EML5: variants seen among roughly 807,000 people sequenced by gnomAD.
EML5 encodes echinoderm microtubule-associated protein-like 5.
EML5 carries 120 observed loss-of-function variants against 250.0 expected under a neutral mutation model. The ratio of observed to expected loss-of-function variants is 0.48; its 90% CI spans 0.41 to 0.56. The LOEUF is 0.56. Among genes scored for constraint, EML5 ranks in the 20% least tolerant of loss-of-function variants. The pLI is 0.00. For missense variants in EML5, 2,006 were observed against 2,437.6 expected, an observed-to-expected ratio of 0.82 and a Z score of 3.73; for synonymous variants, 771 against 806.5, an observed-to-expected ratio of 0.96 and a Z score of 0.75.
chr14:88,704,377 T>C (rs1162477291), intron 13 of EML5, among the ~76,000 whole-genome samples: 2 of 152,194 alleles, frequency 1.3e-5, no homozygotes, highest in Non-Finnish European at 2.9e-5. Flanking sequence ...GGTGCCCTGC[T>C]TGTACAGCCT....
At chr14:88,723,147 T>C (rs1391610844) in intron 8 of EML5, among the ~76,000 whole-genome samples, 1 of 152,176 alleles carries the variant, frequency 6.6e-6, no homozygotes, top group African/African-American at 2.4e-5. Flanking sequence ...GCACAGGGGC[T>C]CATGCCTGTA....
intron 31 of EML5, among the ~76,000 whole-genome samples, chr14:88,642,117 C>T (rs1021620563): frequency 6.6e-6 from 1 of 152,150 alleles, no homozygotes; most frequent in African/African-American, 2.4e-5. Context: ...TTATAATTCA[C>T]ATCATCAATC....
chr14:88,736,334 G>A, intron 7 of EML5, 30 bp downstream of exon 7: 1 of 1,601,974 alleles, frequency 6.2e-7, no homozygotes, highest in Non-Finnish European at 8.6e-7. Context: ...ATACATTCCA[G>A]CCTATGGAAT....
intron 7 of EML5, among the ~76,000 whole-genome samples, chr14:88,735,986 C>T (rs551748066): frequency 1.6e-4 from 24 of 146,418 alleles, no homozygotes; most frequent in East Asian, 4.3e-4. Context: ...AAGTTTTAAT[C>T]GGAGTATTTT....
chr14:88,733,764 G>A lies in EML5; in HGVS notation c.1049+2600C>T, dbSNP rs531375270. On this transcript the variant is annotated intron_variant, in intron 7 of 43. Coordinates refer to ENST00000554922, the MANE Select transcript of EML5 (RefSeq NM_183387.3). The stretch of plus-strand genomic sequence containing the variant: ...ATCAGTAATTATCTGGAAACAATTA[G>A]GTTGAGTCCCCATCTTACTTCTTAC... Among the ~76,000 whole-genome samples the A allele has an allele frequency of 9.3e-4, 141 of 152,208 alleles. No individual in the cohort carries two copies. The Middle Eastern group carries it at 0.01, about 11-fold the overall frequency.
intron 33 of EML5, among the ~76,000 whole-genome samples, chr14:88,630,543 A>G (rs2090384310): frequency 2.0e-5 from 3 of 152,256 alleles, no homozygotes; most frequent in South Asian, 4.1e-4. Context: ...TGCTCAACTA[A>G]TAAGTCTGAG....
intron 13 of EML5, among the ~76,000 whole-genome samples, chr14:88,703,893 C>T (rs1293876460): frequency 6.6e-6 from 1 of 152,120 alleles, no homozygotes; most frequent in Non-Finnish European, 1.5e-5. Flanking sequence ...TTTAAAGAGG[C>T]CCATTTCCAT....
intron 27 of EML5, among the ~76,000 whole-genome samples, chr14:88,654,384 T>G (rs1385599474): frequency 6.6e-6 from 1 of 152,218 alleles, no homozygotes; most frequent in Non-Finnish European, 1.5e-5. Context: ...ATGTTGATTT[T>G]AGATCTTTCC....
At chr14:88,667,803 G>GTAA (rs1268363494) in intron 21 of EML5, among the ~76,000 whole-genome samples, 2 of 152,198 alleles carry the variant, frequency 1.3e-5, no homozygotes, top group Non-Finnish European at 2.9e-5. Flanking sequence ...CACCATCACT[G>GTAA]TAATGGCTCT....
At chr14:88,728,763 C>T (rs892618020) in intron 7 of EML5, among the ~76,000 whole-genome samples, 1 of 151,980 alleles carries the variant, frequency 6.6e-6, no homozygotes, top group Non-Finnish European at 1.5e-5. Context: ...AATTATATAT[C>T]ATTTTATATA....
intron 21 of EML5, among the ~76,000 whole-genome samples, chr14:88,681,056 C>A (rs2141158182): frequency 6.6e-6 from 1 of 152,100 alleles, no homozygotes; most frequent in East Asian, 1.9e-4. Flanking sequence ...AAGAGTAAAT[C>A]TAAAATATAA....
intron 17 of EML5, among the ~76,000 whole-genome samples, chr14:88,691,503 T>C (rs183260696): frequency 1.3e-5 from 2 of 152,326 alleles, no homozygotes; most frequent in Admixed American, 1.3e-4. Context: ...TCCTGTTACA[T>C]GAGGTCATAT....
At chr14:88,768,367 G>A (rs760621633) in intron 1 of EML5, among the ~76,000 whole-genome samples, 20 of 151,960 alleles carry the variant, frequency 1.3e-4, no homozygotes, top group South Asian at 4.1e-4. Flanking sequence ...AACTATTGGC[G>A]GATTCTGTCA....
chr14:88,627,607 C>A, intron 34 of EML5, 39 bp downstream of exon 34: 1 of 1,554,952 alleles, frequency 6.4e-7, no homozygotes. Context: ...CCTTTGTATT[C>A]TTGTTTTTTT....
chr14:88,647,111 C>A, intron 28 of EML5, among the ~76,000 whole-genome samples, 156 bp from the exon 29 acceptor site: 1 of 152,194 alleles, frequency 6.6e-6, no homozygotes, highest in East Asian at 1.9e-4. Context: ...GTTTATAATC[C>A]CAGCACTTTG....
At chr14:88,634,382 C>T (rs1179140581) in intron 33 of EML5, 87 bp downstream of exon 33, 13 of 847,728 alleles carry the variant, frequency 1.5e-5, no homozygotes, top group Non-Finnish European at 1.9e-5. Flanking sequence ...AATGCAAGAA[C>T]GGACTAATAT....
At chr14:88,767,243 T>C (rs755843591) in intron 1 of EML5, among the ~76,000 whole-genome samples, 4 of 152,224 alleles carry the variant, frequency 2.6e-5, no homozygotes, top group Non-Finnish European at 4.4e-5. Context: ...TGCTACCACA[T>C]GTACACACAC....
At chr14:88,707,088 G>A (rs1410699465) in intron 10 of EML5, among the ~76,000 whole-genome samples, 3 of 152,062 alleles carry the variant, frequency 2.0e-5, no homozygotes, top group African/African-American at 4.8e-5. Context: ...TGTGTTTTGG[G>A]TAAGGGCAAT....
At position 88,627,670 on chromosome 14, in the gene EML5, T is replaced by C. The variant is rs756863471; in HGVS notation, c.4507A>G (p.Ile1503Val). 9 of 1,607,714 alleles carry C rather than the reference T, an allele frequency of 5.6e-6. No homozygotes were observed. Among genetic ancestry groups the C allele is most frequent in the Non-Finnish European group, 7.6e-6 (9 of 1,178,412 alleles). The change falls in exon 34 of 44, where the codon ATT becomes GTT. Residue 1503 changes from isoleucine to valine, a missense_variant. Coordinates refer to ENST00000554922, the MANE Select transcript of EML5 (RefSeq NM_183387.3). ...LSVGLDPEHT[I>V]TIWRWQEGAK... The stretch of plus-strand genomic sequence containing the variant: ...CCTTCCTGCCATCTCCAAATGGTAA[T>C]AGTATGTTCTGGGTCTAGTCCCACA...
Sources: allele counts gnomAD v4.1 joint callset (sites outside exome capture counted in the v4.1 genomes callset), GRCh38; gene constraint gnomAD v4.1.1; transcripts MANE v1.5; gene names NCBI Gene and HGNC (gene_info 2026-07-23, HGNC 2026-07-21).